Variants in ATAD3B observed in about 807,000 individuals in gnomAD.
ATAD3B encodes the protein ATPase family AAA domain-containing protein 3B.
A neutral mutation model predicts 70.2 loss-of-function variants in ATAD3B; 59 were observed. The observed-to-expected ratio is 0.84, with a 90% CI of 0.68 to 1.04. The LOEUF (loss-of-function observed/expected upper bound fraction) is 1.04, where lower values mean the gene tolerates loss of function less well. ATAD3B is among the 50% of genes least tolerant of loss of function. ATAD3B has a pLI of 0.00. For synonymous variants in ATAD3B, 423 were observed against 388.6 expected, an observed-to-expected ratio of 1.09 and a Z score of -1.04; for missense variants, 961 against 913.4, an observed-to-expected ratio of 1.05 and a Z score of -0.67.
At chr1:1,486,011 T>C (rs150304794) in intron 9 of ATAD3B, 99 bp from the exon 10 acceptor site, 20,451 of 1,596,846 alleles carry the variant, frequency 0.013, 501 homozygotes, top group African/African-American at 0.038. Context: ...GGCGGCTTCC[T>C]GAGGAGCAGA....
intron 15 of ATAD3B, among the ~76,000 whole-genome samples, chr1:1,492,864 G>A (rs1313567786): frequency 4.0e-5 from 6 of 151,508 alleles, no homozygotes; most frequent in African/African-American, 1.2e-4. Flanking sequence ...GCTTGAACCC[G>A]GGAGGTGGAG....
the ATAD3B span, chr1:1,509,202 T>C: frequency 6.2e-6 from 10 of 1,612,592 alleles, no homozygotes; most frequent in Non-Finnish European, 7.6e-6. Flanking sequence ...CTCTCCCCAC[T>C]AGGCCACGGC....
chr1:1,480,790 G>C, intron 4 of ATAD3B, 77 bp from the exon 5 acceptor site: 2 of 1,583,906 alleles, frequency 1.3e-6, no homozygotes, highest in Non-Finnish European at 1.7e-6. Flanking sequence ...GTCCTGGGGC[G>C]GACGCAACCT....
the ATAD3B span, among the ~76,000 whole-genome samples, chr1:1,506,340 G>T: frequency 6.6e-6 from 1 of 151,692 alleles, no homozygotes; most frequent in South Asian, 2.1e-4. Context: ...AATAATTCGG[G>T]TTTTACAGGG....
intron 2 of ATAD3B, 97 bp from the exon 3 acceptor site, chr1:1,478,547 G>T (rs1042458780): frequency 2.6e-6 from 4 of 1,550,222 alleles, no homozygotes; most frequent in Non-Finnish European, 3.5e-6. Flanking sequence ...TCTGGGCACG[G>T]AGTCTCTGCC....
chr1:1,490,436 G>T lies in ATAD3B; in HGVS notation c.1505+12G>T. The T allele has an allele frequency of 6.2e-7, 1 of 1,612,634 alleles. No homozygotes were observed. Among genetic ancestry groups the T allele is most frequent in the Non-Finnish European group, 8.5e-7 (1 of 1,179,386 alleles). On this transcript the variant is annotated intron_variant, in intron 14 of 15. Transcript: ENST00000673477. ...ACAGAAGGAAAACGGTGAGTGTCCC[G>T]CCTCACCCGGCCCCCAATCCAGGCA...
At position 1,480,765 on chromosome 1, in the gene ATAD3B, G is replaced by A. The variant is rs139052076; in HGVS notation, c.445-102G>A. On this transcript the variant is annotated intron_variant, in intron 4 of 15. Coordinates refer to ENST00000673477, the MANE Select transcript of ATAD3B (RefSeq NM_031921.6). Reference sequence around the variant, plus strand: ...CTGCAGGTCCCCAGGTGCCCAGGACGCTTGGAGTTCTGTGGTCCTGGGGCG... The same window carrying A: ...CTGCAGGTCCCCAGGTGCCCAGGACACTTGGAGTTCTGTGGTCCTGGGGCG... The A allele has an allele frequency of 5.8e-3, 9,035 of 1,558,016 alleles. 1,311 individuals carry two copies. In the African/African-American group the frequency reaches 0.11, roughly 19 times the overall value.
chr1:1,473,716 G>A (rs1639449482), intron 1 of ATAD3B, among the ~76,000 whole-genome samples: 1 of 151,690 alleles, frequency 6.6e-6, no homozygotes, highest in African/African-American at 2.4e-5. Context: ...GGGTGGTCTT[G>A]ACCACCTGAC....
chr1:1,500,734 A>G (rs2100616232), downstream of ATAD3B, among the ~76,000 whole-genome samples: 1 of 151,528 alleles, frequency 6.6e-6, no homozygotes, highest in South Asian at 2.1e-4. Context: ...CGGGCGGATC[A>G]CGAGGTCAGG....
the ATAD3B span, among the ~76,000 whole-genome samples, chr1:1,502,860 GT>G: frequency 6.6e-6 from 1 of 151,642 alleles, no homozygotes; most frequent in Admixed American, 6.6e-5. Context: ...AACCTTGCGA[GT>G]TTGGGATTTT....
intron 12 of ATAD3B, 115 bp from the exon 13 acceptor site, chr1:1,489,089 T>C: frequency 6.5e-7 from 1 of 1,548,702 alleles, no homozygotes; most frequent in Non-Finnish European, 8.8e-7. Context: ...TTTAGATCCA[T>C]GAAAGTGTCG....
chr1:1,482,382 C>T (rs1453388253), intron 6 of ATAD3B, 79 bp downstream of exon 6: 10 of 1,578,038 alleles, frequency 6.3e-6, no homozygotes, highest in Admixed American at 1.8e-5. Context: ...CGCTCTCCAG[C>T]TCTTCCAGGC....
chr1:1,487,799 G>T lies in ATAD3B; in HGVS notation c.1215-64G>T. On this transcript the variant is annotated intron_variant, in intron 11 of 15. Coordinates refer to ENST00000673477, the MANE Select transcript of ATAD3B (RefSeq NM_031921.6). ...TGCCTGGCCTGCTCCTGCCGCGGCC[G>T]GACGCTGCTGTGGGCTGCTCCTGGC... 1.3e-5 allele frequency: 20 copies of T among 1,590,910 alleles called. 1 individual carries two copies. Among genetic ancestry groups the T allele is most frequent in the Admixed American group, 1.7e-5 (1 of 59,896 alleles).
At chr1:1,475,145 G>A (rs916715436) in intron 1 of ATAD3B, among the ~76,000 whole-genome samples, 1 of 149,050 alleles carries the variant, frequency 6.7e-6, no homozygotes, top group East Asian at 1.9e-4. Context: ...CCGCTCTGCC[G>A]GCGTTGCCAG....
chr1:1,472,051 AGCGCGCCGC>A lies in ATAD3B; in HGVS notation c.168_176del (p.Glu56_Ala59delinsAsp). 8.3e-7 allele frequency: 1 copy of A among 1,210,756 alleles called. No individual in the cohort carries two copies. Among genetic ancestry groups the A allele is most frequent in the African/African-American group, 1.7e-5 (1 of 59,622 alleles). 75.0% of individuals were successfully genotyped at this position (1,210,756 alleles called of 1,614,324 possible). A position where few individuals can be genotyped will look rare whatever the true frequency, so the allele number is the denominator to read the frequency against. The stretch of plus-strand genomic sequence containing the variant: ...AGCAACTTCGACCCCACCGGCCTGG[AGCGCGCCGC>A]CAAGGCGGCGCGCGAGCTGGAGCAC... On this transcript the variant is annotated inframe_deletion, in exon 1 of 16. Coordinates refer to ENST00000673477, the MANE Select transcript of ATAD3B (RefSeq NM_031921.6).
rs1570266659 is a variant in ATAD3B, at chr1:1,490,241, C to T, written c.1338-16C>T. 1 of 1,606,152 alleles carries T rather than the reference C, an allele frequency of 6.2e-7. No homozygotes were observed. The highest frequency in any genetic ancestry group is 1.1e-5 in the South Asian group (1 of 90,742). On this transcript the variant is annotated splice_polypyrimidine_tract_variant and intron_variant, in intron 13 of 15. Transcript: ENST00000673477. ...CTGGCAGCCCCAGCGTTTCCTTCCCCATCCCTGTCCTACAGATTCATGCTG... is the reference window on the plus strand; with the variant it reads ...CTGGCAGCCCCAGCGTTTCCTTCCCTATCCCTGTCCTACAGATTCATGCTG...
At chr1:1,503,427 G>A in the ATAD3B span, 148 of 691,320 alleles carry the variant, frequency 2.1e-4, 1 homozygote, top group African/African-American at 1.5e-3. Context: ...GCATCGTCAC[G>A]CCAGGTCTGA....
At chr1:1,487,184 T>A (rs1640264157) in intron 11 of ATAD3B, among the ~76,000 whole-genome samples, 1 of 151,994 alleles carries the variant, frequency 6.6e-6, no homozygotes, top group Non-Finnish European at 1.5e-5. Context: ...GCCTTTGACC[T>A]TTCACTTTAG....
chr1:1,479,866 GCA>G (rs569873052), intron 4 of ATAD3B, among the ~76,000 whole-genome samples: 1 of 137,278 alleles, frequency 7.3e-6, no homozygotes, highest in Non-Finnish European at 1.6e-5. Flanking sequence ...ACACGGGCCT[GCA>G]CACACACCCC....
Sources: allele counts gnomAD v4.1 joint callset (sites outside exome capture counted in the v4.1 genomes callset), GRCh38; gene constraint gnomAD v4.1.1; transcripts MANE v1.5; gene names NCBI Gene and HGNC (gene_info 2026-07-23, HGNC 2026-07-21).